RAB12: variants seen among roughly 807,000 people sequenced by gnomAD.
RAB12 encodes ras-related protein Rab-12.
Under a neutral mutation model 28.4 loss-of-function variants are expected in RAB12, and 11 were observed. The observed-to-expected ratio is 0.39, with a 90% CI of 0.24 to 0.64. The LOEUF is 0.64. Among genes scored for constraint, RAB12 ranks in the 30% least tolerant of loss-of-function variants. The probability of loss-of-function intolerance (pLI) is 0.50; values close to 1 mark genes in which losing one functional copy is unlikely to be tolerated. For synonymous variants in RAB12, 138 were observed against 145.3 expected, an observed-to-expected ratio of 0.95 and a Z score of 0.36; for missense variants, 276 against 351.1, an observed-to-expected ratio of 0.79 and a Z score of 1.71.
At chr18:8,618,267 C>G (rs2096007769) in intron 1 of RAB12, among the ~76,000 whole-genome samples, 1 of 152,110 alleles carries the variant, frequency 6.6e-6, no homozygotes, top group South Asian at 2.1e-4. Context: ...GAGGACAGGT[C>G]TTCTTGTACC....
chr18:8,630,831 C>A (rs558731087), intron 2 of RAB12, among the ~76,000 whole-genome samples: 32 of 152,332 alleles, frequency 2.1e-4, no homozygotes, highest in Non-Finnish European at 3.8e-4. Flanking sequence ...TTTCCTTTGA[C>A]CACCTATTCT....
intron 1 of RAB12, 39 bp downstream of exon 1, chr18:8,609,992 C>T (rs745752011): frequency 2.0e-6 from 3 of 1,522,612 alleles, no homozygotes; most frequent in South Asian, 2.3e-5. Context: ...GGCCTCCTGG[C>T]GCCCGGGCAG....
At chr18:8,619,208 T>A (rs1364487677) in intron 1 of RAB12, among the ~76,000 whole-genome samples, 1 of 152,194 alleles carries the variant, frequency 6.6e-6, no homozygotes, top group African/African-American at 2.4e-5. Context: ...CTCCAGATCT[T>A]TGGTGGAACG....
Position 8,633,067 on chromosome 18 carries a change from AG to A in RAB12, c.576-118del. On this transcript the variant is annotated intron_variant, in intron 2 of 5. Transcript: ENST00000649141. ...TGTGGTCATCAGGTCAAAGGGAAAT[AG>A]GGGTTACTCTCGTTCTTTTTTCGCA... 4.0e-5 allele frequency: 48 copies of A among 1,197,546 alleles called. 1 individual carries two copies. The South Asian group carries it at 6.1e-4, about 15-fold the overall frequency. The allele number at this position is 1,197,546 out of a possible 1,614,324, so 74.2% of individuals were successfully genotyped here.
chr18:8,623,568 A>G (rs2096011092), intron 1 of RAB12, among the ~76,000 whole-genome samples: 1 of 152,232 alleles, frequency 6.6e-6, no homozygotes, highest in Admixed American at 6.5e-5. Flanking sequence ...TTGAAATTGC[A>G]GTTTCCTTGC....
chr18:8,638,004 G>A, intron 5 of RAB12, 145 bp from the exon 6 acceptor site: 1 of 592,216 alleles, frequency 1.7e-6, no homozygotes, highest in South Asian at 2.0e-5. Flanking sequence ...AGGTGAGTGG[G>A]GAGGCAGGAG....
chr18:8,632,651 C>T (rs2096016702), intron 2 of RAB12, among the ~76,000 whole-genome samples: 1 of 152,078 alleles, frequency 6.6e-6, no homozygotes, highest in South Asian at 2.1e-4. Flanking sequence ...TTTTCACAAT[C>T]CTAGGATGCC....
intron 1 of RAB12, among the ~76,000 whole-genome samples, chr18:8,610,570 C>T (rs1598305922): frequency 6.6e-6 from 1 of 152,296 alleles, no homozygotes; most frequent in South Asian, 2.1e-4. Flanking sequence ...TCCTCCAGTA[C>T]CGCTGTTTTC....
intron 1 of RAB12, among the ~76,000 whole-genome samples, chr18:8,615,558 A>C (rs1187201254): frequency 6.6e-6 from 1 of 152,216 alleles, no homozygotes; most frequent in Non-Finnish European, 1.5e-5. Context: ...AGAACCTCAC[A>C]CAGACTCCCC....
At chr18:8,635,423 G>A (rs545089637) in intron 3 of RAB12, 110 bp from the exon 4 acceptor site, 303 of 797,932 alleles carry the variant, frequency 3.8e-4, no homozygotes, top group Non-Finnish European at 1.1e-4. Flanking sequence ...GACAGTGGAA[G>A]TGAATGGACA....
At chr18:8,633,352 A>C (rs534224236) in intron 3 of RAB12, 25 bp downstream of exon 3, 3 of 1,612,522 alleles carry the variant, frequency 1.9e-6, no homozygotes. Flanking sequence ...TTTCTGTCCA[A>C]TGTGAACTCT....
intron 1 of RAB12, among the ~76,000 whole-genome samples, chr18:8,616,569 T>C (rs1045695686): frequency 6.6e-6 from 1 of 152,124 alleles, no homozygotes; most frequent in Admixed American, 6.5e-5. Flanking sequence ...AATAGGCCCC[T>C]ATAAATGAGG....
At chr18:8,626,769 C>T (rs1164216644) in intron 2 of RAB12, among the ~76,000 whole-genome samples, 1 of 152,244 alleles carries the variant, frequency 6.6e-6, no homozygotes, top group South Asian at 2.1e-4. Flanking sequence ...CCCTCTCCCT[C>T]TCCTGATTCT....
At chr18:8,610,561 C>G (rs991409984) in intron 1 of RAB12, among the ~76,000 whole-genome samples, 18 of 152,328 alleles carry the variant, frequency 1.2e-4, no homozygotes, top group Admixed American at 1.0e-3. Flanking sequence ...GGGGTTGATT[C>G]CTCCAGTACC....
intron 1 of RAB12, among the ~76,000 whole-genome samples, chr18:8,620,398 T>G (rs965022242): frequency 5.9e-5 from 9 of 152,172 alleles, no homozygotes; most frequent in African/African-American, 2.2e-4. Flanking sequence ...CCTCTGAGAT[T>G]AGTGTGTGTA....
At chr18:8,614,716 A>G (rs2096005808) in intron 1 of RAB12, among the ~76,000 whole-genome samples, 1 of 151,924 alleles carries the variant, frequency 6.6e-6, no homozygotes, top group Admixed American at 6.6e-5. Context: ...CTCCCAAGTA[A>G]CTGGGATTAC....
At chr18:8,618,116 G>A (rs954866966) in intron 1 of RAB12, among the ~76,000 whole-genome samples, 10 of 152,074 alleles carry the variant, frequency 6.6e-5, no homozygotes, top group African/African-American at 2.4e-4. Flanking sequence ...ACCTCCAACT[G>A]TCCCTCTGTC....
intron 2 of RAB12, among the ~76,000 whole-genome samples, chr18:8,629,876 C>T (rs1365662434): frequency 6.6e-6 from 1 of 152,152 alleles, no homozygotes; most frequent in Non-Finnish European, 1.5e-5. Context: ...GAGCCTGTTG[C>T]CCCCCAGCTT....
At chr18:8,619,306 T>G (rs1261031970) in intron 1 of RAB12, among the ~76,000 whole-genome samples, 1 of 152,276 alleles carries the variant, frequency 6.6e-6, no homozygotes, top group Non-Finnish European at 1.5e-5. Context: ...TTAGGCTTTT[T>G]ACTGGAAAGG....
Sources: allele counts gnomAD v4.1 joint callset (sites outside exome capture counted in the v4.1 genomes callset), GRCh38; gene constraint gnomAD v4.1.1; transcripts MANE v1.5; gene names NCBI Gene and HGNC (gene_info 2026-07-23, HGNC 2026-07-21).